Variants in ITGA6 observed in about 807,000 individuals in gnomAD.
The protein encoded by ITGA6 is integrin alpha-6.
Under a neutral mutation model 133.6 loss-of-function variants are expected in ITGA6, and 63 were observed. That is an observed-to-expected ratio of 0.47 (90% CI 0.38 to 0.58). ITGA6 has a LOEUF of 0.58. Ranked by LOEUF, ITGA6 falls within the 20% of genes least tolerant of loss-of-function variation. The probability of loss-of-function intolerance (pLI) is 0.00; values close to 1 mark genes in which losing one functional copy is unlikely to be tolerated. For synonymous variants in ITGA6, 434 were observed against 482.0 expected (o/e 0.90, Z 1.30); for missense variants, 1,068 against 1,309.4 (o/e 0.82, Z 2.85).
chr2:172,432,068 T>C (rs570898002), intron 1 of ITGA6, among the ~76,000 whole-genome samples: 1 of 152,318 alleles, frequency 6.6e-6, no homozygotes, highest in South Asian at 2.1e-4. Context: ...CTCAACATAT[T>C]ACTGTGGACA....
At chr2:172,428,030 G>A (rs926922633) in intron 1 of ITGA6, 60 bp downstream of exon 1, 5 of 1,552,988 alleles carry the variant, frequency 3.2e-6, no homozygotes, top group Non-Finnish European at 4.4e-6. Flanking sequence ...GAGTTGAGGC[G>A]AGGGCGCGCC....
At chr2:172,467,802 TATG>T (rs1253423674) in intron 3 of ITGA6, among the ~76,000 whole-genome samples, 3 of 151,980 alleles carry the variant, frequency 2.0e-5, no homozygotes, top group Non-Finnish European at 4.4e-5. Context: ...GCCTGACCAA[TATG>T]ATGAAACCCC....
Position 172,467,249 on chromosome 2 carries a change from A to G in ITGA6, c.308-232A>G, listed in dbSNP as rs145481680. Among the ~76,000 whole-genome samples, 11 of 152,332 alleles carry G rather than the reference A, an allele frequency of 7.2e-5. No individual in the cohort carries two copies. In the East Asian group the frequency reaches 2.1e-3, roughly 29 times the overall value. Reference sequence around the variant, plus strand: ...GGCAAAGGGTATTGTTGGACAAAATAGGCAACTATATAGAGCTAAGTACTT... The same window carrying G: ...GGCAAAGGGTATTGTTGGACAAAATGGGCAACTATATAGAGCTAAGTACTT... On this transcript the variant is annotated intron_variant, in intron 2 of 25. Coordinates refer to ENST00000684293, the MANE Select transcript of ITGA6 (RefSeq NM_000210.4).
At chr2:172,467,431 T>A (rs927587850) in intron 2 of ITGA6, 50 bp from the exon 3 acceptor site, 4 of 1,423,012 alleles carry the variant, frequency 2.8e-6, no homozygotes, top group Non-Finnish European at 4.0e-6. Flanking sequence ...TCAGTGATGG[T>A]TTCTAGCATG....
Position 172,471,097 on chromosome 2 carries a change from GTTAC to G in ITGA6, c.771_774del (p.Tyr257Ter). ...AGTCTCGTTCCTGTTCCTGCTAACAGTTACTTAGGTAGGAGCAGGCACAGATGGC... is the reference window on the plus strand; with the variant it reads ...AGTCTCGTTCCTGTTCCTGCTAACAGTTAGGTAGGAGCAGGCACAGATGGC... On this transcript the variant is annotated frameshift_variant, in exon 5 of 26. Transcript: ENST00000684293. LOFTEE classifies it high-confidence loss of function. 1 of 1,614,218 alleles carries G rather than the reference GTTAC, an allele frequency of 6.2e-7. No homozygotes were observed. The highest frequency in any genetic ancestry group is 8.5e-7 in the Non-Finnish European group (1 of 1,180,038).
chr2:172,489,395 T>C (rs1574403998), intron 19 of ITGA6, 90 bp from the exon 20 acceptor site: 2 of 1,020,440 alleles, frequency 2.0e-6, no homozygotes, highest in East Asian at 2.5e-5. Context: ...ACGTTAGATA[T>C]TTTAGCTTCT....
rs913200593 is a variant in ITGA6 at position 172,480,422 on chromosome 2, G to T, written c.1549+371G>T. On this transcript the variant is annotated intron_variant, in intron 11 of 25. Transcript: ENST00000684293. ...GGTGGTTGTGAGGTGGTGGGTGGTG[G>T]CTGGTGGTTGTGAAAGGGCAACGGC... Among the ~76,000 whole-genome samples the T allele has an allele frequency of 6.6e-5, 10 of 152,298 alleles. No individual in the cohort carries two copies. In the East Asian group the frequency reaches 1.9e-3, roughly 29 times the overall value.
At chr2:172,453,281 C>A (rs1315904438) in intron 1 of ITGA6, among the ~76,000 whole-genome samples, 1 of 151,976 alleles carries the variant, frequency 6.6e-6, no homozygotes, top group East Asian at 1.9e-4. Flanking sequence ...AATCCCAGCA[C>A]TTCCGGAGGC....
At chr2:172,467,080 CA>C (rs1685710629) in intron 2 of ITGA6, among the ~76,000 whole-genome samples, 1 of 152,060 alleles carries the variant, frequency 6.6e-6, no homozygotes, top group African/African-American at 2.4e-5. Flanking sequence ...GAGAAGTACC[CA>C]TTTTTTTTGT....
intron 24 of ITGA6, 124 bp from the exon 25 acceptor site, chr2:172,501,648 G>A (rs1687351420): frequency 1.2e-6 from 1 of 837,440 alleles, no homozygotes; most frequent in East Asian, 2.6e-5. Flanking sequence ...ATTGTTGGTT[G>A]ACTGAAAGTG....
intron 1 of ITGA6, among the ~76,000 whole-genome samples, chr2:172,456,031 GAGAGT>G (rs1685193704): frequency 1.3e-5 from 2 of 152,324 alleles, no homozygotes; most frequent in African/African-American, 4.8e-5. Flanking sequence ...CTAAAGAGAG[GAGAGT>G]AAAGACTAAG....
At chr2:172,476,274 T>C in intron 8 of ITGA6, 121 bp from the exon 9 acceptor site, 1 of 743,312 alleles carries the variant, frequency 1.3e-6, no homozygotes, top group South Asian at 1.4e-5. Flanking sequence ...TATAATATAA[T>C]TTACTTATAA....
chr2:172,465,466 C>A, intron 1 of ITGA6, 73 bp from the exon 2 acceptor site: 1 of 1,543,134 alleles, frequency 6.5e-7, no homozygotes, highest in Non-Finnish European at 8.9e-7. Context: ...CCACTATCTC[C>A]TAGTTCTGAC....
chr2:172,431,371 G>T (rs947607163), intron 1 of ITGA6, among the ~76,000 whole-genome samples: 2 of 152,254 alleles, frequency 1.3e-5, no homozygotes, highest in East Asian at 3.9e-4. Flanking sequence ...TAGAGAAATC[G>T]GCAAGCATCT....
At chr2:172,476,550 A>G (rs777923880) in intron 9 of ITGA6, 37 bp downstream of exon 9, 7 of 1,196,450 alleles carry the variant, frequency 5.9e-6, no homozygotes, top group South Asian at 3.6e-5. Flanking sequence ...AGCATGTTCT[A>G]TAATCAGGTT....
intron 25 of ITGA6, among the ~76,000 whole-genome samples, chr2:172,502,431 A>T (rs13021042): frequency 1.3e-5 from 2 of 152,174 alleles, no homozygotes; most frequent in South Asian, 2.1e-4. Flanking sequence ...GTGATGGGGA[A>T]GGCTTGGAAT....
chr2:172,454,617 C>T (rs1685141419), intron 1 of ITGA6, among the ~76,000 whole-genome samples: 1 of 152,146 alleles, frequency 6.6e-6, no homozygotes, highest in African/African-American at 2.4e-5. Flanking sequence ...GTTTGGATTT[C>T]CTGCTGTGGA....
chr2:172,436,120 G>C (rs1164558650), intron 1 of ITGA6, among the ~76,000 whole-genome samples: 2 of 152,144 alleles, frequency 1.3e-5, no homozygotes, highest in Non-Finnish European at 2.9e-5. Context: ...TAAAGACCTG[G>C]GTGATGAATG....
intron 1 of ITGA6, among the ~76,000 whole-genome samples, chr2:172,462,715 G>A (rs1412035286): frequency 6.6e-6 from 1 of 152,156 alleles, no homozygotes; most frequent in Non-Finnish European, 1.5e-5. Context: ...TGAGGGACTG[G>A]GCATGTAAAT....
Sources: gnomAD v4.1 joint callset for allele counts (sites outside exome capture counted in the v4.1 genomes callset) on GRCh38, gnomAD v4.1.1 for gene constraint, MANE v1.5 for transcripts, NCBI Gene and HGNC (gene_info 2026-07-23, HGNC 2026-07-21) for gene names.